The following TEKTIP1 variants were observed in gnomAD, a reference collection of about 807,000 sequenced individuals.
TEKTIP1 encodes the protein tektin bundle-interacting protein 1.
the TEKTIP1 span, chr19:3,543,989 C>T: frequency 2.6e-6 from 4 of 1,545,848 alleles, no homozygotes; most frequent in East Asian, 2.5e-5. Flanking sequence ...CCCCGCCTTC[C>T]CTCACACCCA....
At chr19:3,541,015 A>G in the TEKTIP1 span, among the ~76,000 whole-genome samples, 1 of 148,660 alleles carries the variant, frequency 6.7e-6, no homozygotes, top group Non-Finnish European at 1.5e-5. Flanking sequence ...CTAAAAGTAC[A>G]AAAATTAGCT....
chr19:3,540,953 G>A, the TEKTIP1 span, among the ~76,000 whole-genome samples: 2 of 151,368 alleles, frequency 1.3e-5, no homozygotes, highest in Admixed American at 6.6e-5. Flanking sequence ...GGTGGATCAC[G>A]AGGTCAGGAG....
chr19:3,540,300 A>G, the TEKTIP1 span, among the ~76,000 whole-genome samples: 32 of 149,924 alleles, frequency 2.1e-4, no homozygotes, highest in African/African-American at 7.7e-4. Context: ...CTCTTGTCGC[A>G]AGACTGGAAC....
chr19:3,541,798 A>G, the TEKTIP1 span: 12 of 984,762 alleles, frequency 1.2e-5, no homozygotes, highest in Non-Finnish European at 1.3e-5. Flanking sequence ...TTCTCATTGA[A>G]TATTATTCTG....
chr19:3,539,235 G>T, the TEKTIP1 span: 1 of 1,550,726 alleles, frequency 6.4e-7, no homozygotes, highest in South Asian at 1.2e-5. Flanking sequence ...GACCCTCGAG[G>T]CCAGCTTCCC....
At chr19:3,539,548 A>T in the TEKTIP1 span, 1 of 458,596 alleles carries the variant, frequency 2.2e-6, no homozygotes, top group African/African-American at 1.9e-5. Context: ...CGCCCTCTGA[A>T]ATCCAGGCCT....
At chr19:3,542,161 CATTTCAAAAG>C in the TEKTIP1 span, 1 of 985,342 alleles carries the variant, frequency 1.0e-6, no homozygotes. Context: ...TCTTGCAATT[CATTTCAAAAG>C]GGTGAGGTTC....
At chr19:3,539,513 T>C in the TEKTIP1 span, 4 of 503,026 alleles carry the variant, frequency 8.0e-6, no homozygotes, top group African/African-American at 7.6e-5. Context: ...GCAAACGCAC[T>C]GGGAGCTTCG....
the TEKTIP1 span, chr19:3,542,321 C>T: frequency 1.0e-6 from 1 of 985,394 alleles, no homozygotes; most frequent in Non-Finnish European, 1.2e-6. Flanking sequence ...GAGTTCCTGC[C>T]ATGAGAGCTG....
the TEKTIP1 span, chr19:3,543,488 C>G: frequency 6.6e-7 from 1 of 1,520,548 alleles, no homozygotes; most frequent in East Asian, 2.5e-5. Context: ...GTGCCCCCCC[C>G]CCCGCCCTGG....
chr19:3,540,084 C>A, the TEKTIP1 span: 4 of 132,100 alleles, frequency 3.0e-5, no homozygotes, highest in African/African-American at 1.2e-4. Context: ...AGACCCATCT[C>A]TTTTCTTTTT....
the TEKTIP1 span, chr19:3,543,277 CATCAGGCAGGCCACACGCT>C: frequency 6.5e-7 from 1 of 1,547,872 alleles, no homozygotes; most frequent in Non-Finnish European, 8.7e-7. Flanking sequence ...GGCCACCAGC[CATCAGGCAGGCCACACGCT>C]GGAAGTACAC....
the TEKTIP1 span, chr19:3,540,091 T>TTC: frequency 1.0e-4 from 5 of 49,220 alleles, no homozygotes; most frequent in Admixed American, 2.9e-4. Flanking sequence ...TCTCTTTTCT[T>TTC]TTTTTTTTTT....
the TEKTIP1 span, chr19:3,543,101 C>G: frequency 6.5e-7 from 1 of 1,538,752 alleles, no homozygotes; most frequent in Non-Finnish European, 8.7e-7. Context: ...GAAGGACAGA[C>G]TCCAAGTGGC....
At chr19:3,543,853 TG>T in the TEKTIP1 span, 3 of 1,545,992 alleles carry the variant, frequency 1.9e-6, no homozygotes, top group South Asian at 3.6e-5. Flanking sequence ...CGGTACGGGG[TG>T]GAGCCACTGT....
the TEKTIP1 span, chr19:3,539,248 C>G: frequency 6.5e-7 from 1 of 1,548,990 alleles, no homozygotes. Flanking sequence ...AGCTTCCCAG[C>G]ACCGCTGTAC....
At chr19:3,541,678 G>A in the TEKTIP1 span, 2 of 985,390 alleles carry the variant, frequency 2.0e-6, no homozygotes, top group Non-Finnish European at 2.4e-6. Flanking sequence ...GCTCCCGCAA[G>A]TGTGTAATAA....
chr19:3,543,267 GGCCACCA>G, the TEKTIP1 span: 10 of 1,547,214 alleles, frequency 6.5e-6, no homozygotes, highest in East Asian at 2.4e-5. Flanking sequence ...GGTTCCCGCT[GGCCACCA>G]GCCATCAGGC....
the TEKTIP1 span, chr19:3,539,352 C>G: frequency 1.4e-6 from 1 of 700,180 alleles, no homozygotes; most frequent in Non-Finnish European, 2.4e-6. Flanking sequence ...TGGGGTCTTG[C>G]ACGTGTCACT....
Sources: allele counts gnomAD v4.1 joint callset (sites outside exome capture counted in the v4.1 genomes callset), GRCh38; gene constraint gnomAD v4.1.1; transcripts MANE v1.5; gene names NCBI Gene and HGNC (gene_info 2026-07-23, HGNC 2026-07-21).